The following RASGRF1 variants were observed in gnomAD, a reference collection of about 807,000 sequenced individuals.
The protein encoded by RASGRF1 is ras-specific guanine nucleotide-releasing factor 1.
In RASGRF1, 40 loss-of-function variants were observed where a neutral mutation model predicts 138.7. The observed-to-expected ratio is 0.29, with a 90% CI of 0.22 to 0.38. RASGRF1 has a LOEUF of 0.38. Ranked by LOEUF, RASGRF1 falls within the 10% of genes least tolerant of loss-of-function variation. The probability of loss-of-function intolerance (pLI) is 1.00; values close to 1 mark genes in which losing one functional copy is unlikely to be tolerated. For synonymous variants in RASGRF1, 614 were observed against 663.2 expected (o/e 0.93, Z 1.14); for missense variants, 1,108 against 1,650.4 (o/e 0.67, Z 5.69).
At chr15:79,013,892 T>C (rs1282710791) in intron 13 of RASGRF1, among the ~76,000 whole-genome samples, 1 of 152,268 alleles carries the variant, frequency 6.6e-6, no homozygotes, top group East Asian at 1.9e-4. Flanking sequence ...TTGGTTTTTC[T>C]GGTTTTTGAA....
At chr15:78,964,184 T>A (rs114685028) in intron 26 of RASGRF1, among the ~76,000 whole-genome samples, 3,022 of 152,052 alleles carry the variant, frequency 0.02, 105 homozygotes, top group African/African-American at 0.067. Flanking sequence ...TTATTTATTT[T>A]TTTTTTTGAG....
intron 7 of RASGRF1, 38 bp from the exon 8 acceptor site, chr15:79,031,547 C>T (rs1300715750): frequency 1.3e-6 from 2 of 1,485,170 alleles, no homozygotes; most frequent in South Asian, 1.2e-5. Context: ...GGAGAAAGAG[C>T]CAGGGAAGTA....
Position 79,006,430 on chromosome 15 carries a change from C to T in RASGRF1, c.1831G>A (p.Asp611Asn), listed in dbSNP as rs747396045. ...KVTVPQMIKS[D>N]ASLYCDDVDI... ...ACATCATCACAATATAAGGAGGCGT[C>T]GGACCTGAGAGGGGAGGAAGGATGC... Residue 611 changes from aspartate to asparagine, a missense_variant, in exon 14 of 27, where the codon GAC becomes AAC. Asp to Asn is a conservative substitution (Grantham distance 23, BLOSUM62 1). Around this residue, in one of 3 missense-constraint regions of RASGRF1, gnomAD observed 686 missense variants for 976.7 expected, o/e 0.70. Coordinates refer to ENST00000558480, the MANE Select transcript of RASGRF1 (RefSeq NM_001145648.3). The surrounding 1 kb of genome is among the most constrained non-coding windows in gnomAD (Gnocchi z 4.0). The T allele has an allele frequency of 3.1e-6, 5 of 1,610,454 alleles. No homozygotes were observed. The highest frequency in any genetic ancestry group is 2.5e-6 in the Non-Finnish European group (3 of 1,178,612).
At chr15:79,089,637 C>T (rs979350212) in intron 1 of RASGRF1, among the ~76,000 whole-genome samples, 1 of 152,182 alleles carries the variant, frequency 6.6e-6, no homozygotes, top group African/African-American at 2.4e-5. Flanking sequence ...GCTGGGAGCC[C>T]ACCACCGCTC....
chr15:78,985,244 A>G (rs1404402339), intron 22 of RASGRF1, 40 bp from the exon 23 acceptor site: 1 of 1,501,492 alleles, frequency 6.7e-7, no homozygotes, highest in Admixed American at 1.8e-5. Context: ...AAGAGGAGTA[A>G]GTATTGCAAA....
intron 1 of RASGRF1, among the ~76,000 whole-genome samples, chr15:79,084,145 C>T (rs1187049886): frequency 6.6e-6 from 1 of 152,138 alleles, no homozygotes; most frequent in African/African-American, 2.4e-5. Context: ...CCCCAGGGCT[C>T]CTCAGAATGA....
At chr15:79,052,191 C>T (rs2057442380) in intron 3 of RASGRF1, among the ~76,000 whole-genome samples, 1 of 152,130 alleles carries the variant, frequency 6.6e-6, no homozygotes, top group South Asian at 2.1e-4. Context: ...GGCAAACTGT[C>T]ACTTGCTACA....
chr15:78,998,615 G>A, intron 18 of RASGRF1, 104 bp downstream of exon 18: 2 of 949,652 alleles, frequency 2.1e-6, no homozygotes, highest in South Asian at 2.7e-5. Context: ...CCCACTGCCA[G>A]CCATCAGCTC....
intron 5 of RASGRF1, among the ~76,000 whole-genome samples, chr15:79,041,948 G>A (rs2057302832): frequency 6.6e-6 from 1 of 152,172 alleles, no homozygotes; most frequent in African/African-American, 2.4e-5. Context: ...GTCAGCGCAG[G>A]AAGCAAGATA....
At chr15:79,089,805 C>T (rs193004409) in intron 1 of RASGRF1, among the ~76,000 whole-genome samples, 1 of 152,370 alleles carries the variant, frequency 6.6e-6, no homozygotes, top group East Asian at 1.9e-4. Context: ...GGGAATTACA[C>T]GTTCCCGGTG....
chr15:79,048,381 C>T (rs1022407230), intron 4 of RASGRF1, among the ~76,000 whole-genome samples: 2 of 152,146 alleles, frequency 1.3e-5, no homozygotes, highest in African/African-American at 4.8e-5. Flanking sequence ...GGCAGCATAG[C>T]CTCTGGAGCT....
intron 22 of RASGRF1, 60 bp from the exon 23 acceptor site, chr15:78,985,264 T>C: frequency 3.4e-6 from 5 of 1,459,346 alleles, no homozygotes; most frequent in Non-Finnish European, 4.7e-6. Flanking sequence ...AGATGATAAA[T>C]GGTCACTATT....
intron 5 of RASGRF1, among the ~76,000 whole-genome samples, chr15:79,041,326 C>T (rs1186027573): frequency 6.6e-6 from 1 of 152,228 alleles, no homozygotes; most frequent in Non-Finnish European, 1.5e-5. Context: ...CTGTGCAATG[C>T]GAATGGTGCT....
chr15:78,979,283 G>C, intron 24 of RASGRF1: 1 of 1,010,824 alleles, frequency 9.9e-7, no homozygotes, highest in Non-Finnish European at 1.3e-6. Flanking sequence ...AATGCGGCAG[G>C]AAGAAAACGC....
At chr15:78,992,864 C>T (rs2056299028) in intron 20 of RASGRF1, among the ~76,000 whole-genome samples, 1 of 152,222 alleles carries the variant, frequency 6.6e-6, no homozygotes, top group African/African-American at 2.4e-5. Context: ...CACAGACGGG[C>T]ACTGAGGTCT....
intron 1 of RASGRF1, among the ~76,000 whole-genome samples, chr15:79,085,956 C>T (rs774807607): frequency 2.6e-4 from 40 of 152,170 alleles, no homozygotes; most frequent in East Asian, 1.9e-4. Context: ...CAAGCATAGG[C>T]GCAAGGAGCC....
chr15:79,078,412 G>A (rs1024475363), intron 1 of RASGRF1, among the ~76,000 whole-genome samples: 3 of 152,168 alleles, frequency 2.0e-5, no homozygotes, highest in South Asian at 2.1e-4. Flanking sequence ...CTGGCTGCAC[G>A]TGCTCATGCC....
chr15:78,998,193 C>T lies in RASGRF1; in HGVS notation c.2869G>A (p.Asp957Asn), dbSNP rs771540900. The T allele has an allele frequency of 2.5e-5, 40 of 1,614,036 alleles. No homozygotes were observed. The highest frequency in any genetic ancestry group is 4.0e-5 in the African/African-American group (3 of 74,930). ...SKHSQDFETN[D>N]ELKCKVIGFL... Reference sequence around the variant, plus strand: ...CCGATCACCTTGCATTTGAGCTCATCGTTGGTCTCAAAGTCCTGCCGGGAA... The same window carrying T: ...CCGATCACCTTGCATTTGAGCTCATTGTTGGTCTCAAAGTCCTGCCGGGAA... Residue 957 changes from aspartate (D) to asparagine (N), a missense_variant, in exon 19 of 27, where the codon GAT becomes AAT. Asp to Asn is a conservative substitution (Grantham distance 23). Transcript: ENST00000558480.
intron 20 of RASGRF1, among the ~76,000 whole-genome samples, chr15:78,995,311 G>A (rs1478265095): frequency 1.5e-5 from 2 of 135,718 alleles, no homozygotes; most frequent in African/African-American, 5.6e-5. Context: ...TTTTTGAGAT[G>A]GAGTCTCGCT....
Sources: allele counts gnomAD v4.1 joint callset (sites outside exome capture counted in the v4.1 genomes callset), GRCh38; gene constraint gnomAD v4.1.1; regional missense constraint gnomAD v4.1.1; non-coding constraint Gnocchi (gnomAD v3.1); transcripts MANE v1.5; gene names NCBI Gene and HGNC (gene_info 2026-07-23, HGNC 2026-07-21).